Variants in DAAM1 observed in about 807,000 individuals in gnomAD.
DAAM1 encodes disheveled-associated activator of morphogenesis 1.
Under a neutral mutation model 130.0 loss-of-function variants are expected in DAAM1, and 52 were observed. The ratio of observed to expected loss-of-function variants is 0.40; its 90% CI spans 0.32 to 0.50. DAAM1 has a LOEUF of 0.50. Among genes scored for constraint, DAAM1 ranks in the 20% least tolerant of loss-of-function variants. The pLI is 0.61. For synonymous variants in DAAM1, 452 were observed against 444.5 expected, an observed-to-expected ratio of 1.02 and a Z score of -0.21; for missense variants, 1,134 against 1,303.8, an observed-to-expected ratio of 0.87 and a Z score of 2.01.
Position 59,353,972 on chromosome 14 carries a change from C to G in DAAM1, c.2356+8C>G, listed in dbSNP as rs777905121. ...TGAAACCTAAAGTGGAAGGTAAAGTCAAGCTGTCTAGATTGGAAATGATGT... is the reference window on the plus strand; with the variant it reads ...TGAAACCTAAAGTGGAAGGTAAAGTGAAGCTGTCTAGATTGGAAATGATGT... On this transcript the variant is annotated splice_region_variant and intron_variant, in intron 19 of 24. Transcript: ENST00000360909. 6.2e-7 allele frequency: 1 copy of G among 1,612,468 alleles called. No homozygotes were observed. Among genetic ancestry groups the G allele is most frequent in the Non-Finnish European group, 8.5e-7 (1 of 1,179,124 alleles).
chr14:59,284,053 C>T (rs1213232707), intron 2 of DAAM1, among the ~76,000 whole-genome samples: 7 of 152,034 alleles, frequency 4.6e-5, no homozygotes, highest in Non-Finnish European at 5.9e-5. Context: ...CTGTTCAATC[C>T]TAAATGCTGG....
chr14:59,289,767 G>GATATATATATATATATATATGTAT, intron 2 of DAAM1, among the ~76,000 whole-genome samples: 11 of 110,220 alleles, frequency 1.0e-4, no homozygotes, highest in Admixed American at 9.1e-4. Context: ...AACAAAATGT[G>GATATATATATATATATATATGTAT]ATATATATAT....
intron 3 of DAAM1, among the ~76,000 whole-genome samples, chr14:59,295,485 A>G (rs1170613077): frequency 2.0e-5 from 3 of 152,056 alleles, no homozygotes; most frequent in Non-Finnish European, 4.4e-5. Flanking sequence ...TCAATTCCTG[A>G]CTCTTCCCCA....
At chr14:59,366,504 A>C (rs1342179662) in intron 23 of DAAM1, among the ~76,000 whole-genome samples, 1 of 152,188 alleles carries the variant, frequency 6.6e-6, no homozygotes, top group Non-Finnish European at 1.5e-5. Context: ...TTAAAAGTAC[A>C]AGTTTCCCTC....
chr14:59,245,232 C>G (rs1881318584), intron 1 of DAAM1, among the ~76,000 whole-genome samples: 1 of 152,140 alleles, frequency 6.6e-6, no homozygotes, highest in South Asian at 2.1e-4. Flanking sequence ...CTTATTTTGG[C>G]ATTAACTTTC....
chr14:59,357,693 G>A (rs982608145), intron 20 of DAAM1, among the ~76,000 whole-genome samples: 3 of 152,044 alleles, frequency 2.0e-5, no homozygotes, highest in East Asian at 1.9e-4. Flanking sequence ...CAGGAGAATC[G>A]CTTGAACCCA....
chr14:59,299,954 A>G (rs1039831710), intron 3 of DAAM1: 2 of 152,160 alleles, frequency 1.3e-5, no homozygotes, highest in African/African-American at 2.4e-5. Flanking sequence ...AGGAGCTCAC[A>G]CAAGTGGGTT....
At chr14:59,218,449 A>T (rs1888661660) in intron 1 of DAAM1, among the ~76,000 whole-genome samples, 1 of 152,186 alleles carries the variant, frequency 6.6e-6, no homozygotes, top group Non-Finnish European at 1.5e-5. Context: ...TTCTCTGAGT[A>T]GTGTTTCCTT....
intron 1 of DAAM1, among the ~76,000 whole-genome samples, chr14:59,189,067 C>T (rs970293890): frequency 1.3e-5 from 2 of 152,218 alleles, no homozygotes; most frequent in Admixed American, 6.5e-5. Context: ...GGGTCCCTCC[C>T]TTTCTTTCTA....
At chr14:59,267,996 G>A (rs1050211824) in intron 2 of DAAM1, among the ~76,000 whole-genome samples, 15 of 150,792 alleles carry the variant, frequency 9.9e-5, no homozygotes, top group African/African-American at 2.7e-4. Context: ...TCCGCTTCCC[G>A]GGTTCAAGCG....
chr14:59,262,254 A>G (rs755863159), intron 1 of DAAM1, among the ~76,000 whole-genome samples: 12 of 152,162 alleles, frequency 7.9e-5, no homozygotes, highest in Admixed American at 2.0e-4. Flanking sequence ...GTGGAAATTA[A>G]TTTACATGTA....
At chr14:59,269,520 A>G (rs950634211) in intron 2 of DAAM1, among the ~76,000 whole-genome samples, 8 of 152,214 alleles carry the variant, frequency 5.3e-5, no homozygotes, top group Admixed American at 5.2e-4. Flanking sequence ...GGCCCCACTT[A>G]TCTGCCGATG....
At chr14:59,228,727 A>G (rs1333547264) in intron 1 of DAAM1, among the ~76,000 whole-genome samples, 1 of 152,232 alleles carries the variant, frequency 6.6e-6, no homozygotes, top group African/African-American at 2.4e-5. Flanking sequence ...CAGCACACTC[A>G]GTCCACATGT....
chr14:59,368,761 G>A lies in DAAM1; in HGVS notation c.3109G>A (p.Asp1037Asn). The A allele has an allele frequency of 2.5e-6, 4 of 1,614,026 alleles. No homozygotes were observed. The highest frequency in any genetic ancestry group is 3.4e-6 in the Non-Finnish European group (4 of 1,179,950). The change falls in exon 25 of 25, where the codon GAC becomes AAC. Residue 1037 changes from aspartate (D) to asparagine (N), a missense_variant. Physicochemically the swap from Asp to Asn is conservative, Grantham distance 23. Transcript: ENST00000360909. ...VSALRSGEVF[D>N]KDLSKLKRNR... is the part of the protein sequence containing the mutation. The stretch of plus-strand genomic sequence containing the variant: ...AGCTTTACGCTCAGGAGAAGTGTTT[G>A]ACAAAGACCTTTCTAAATTGAAACG...
At chr14:59,276,555 A>T (rs1311509327) in intron 2 of DAAM1, among the ~76,000 whole-genome samples, 1 of 152,172 alleles carries the variant, frequency 6.6e-6, no homozygotes, top group East Asian at 1.9e-4. Context: ...TGTATCCTTG[A>T]GATGAACTGA....
At chr14:59,248,599 A>G (rs1345769848) in intron 1 of DAAM1, among the ~76,000 whole-genome samples, 1 of 152,162 alleles carries the variant, frequency 6.6e-6, no homozygotes, top group Non-Finnish European at 1.5e-5. Context: ...AAAAGAGATT[A>G]TATATGTGAC....
intron 3 of DAAM1, among the ~76,000 whole-genome samples, chr14:59,299,001 C>A (rs768716873): frequency 8.3e-4 from 127 of 152,222 alleles, no homozygotes; most frequent in Non-Finnish European, 1.5e-3. Flanking sequence ...TGTCTTTTCT[C>A]TTTGGTGCTT....
At chr14:59,243,403 C>G (rs1324134318) in intron 1 of DAAM1, among the ~76,000 whole-genome samples, 1 of 152,106 alleles carries the variant, frequency 6.6e-6, no homozygotes, top group Non-Finnish European at 1.5e-5. Context: ...AGTCTAGGAC[C>G]CTTTTGAATA....
At chr14:59,204,641 G>A (rs757715677) in intron 1 of DAAM1, among the ~76,000 whole-genome samples, 11 of 152,168 alleles carry the variant, frequency 7.2e-5, no homozygotes, top group Non-Finnish European at 1.3e-4. Flanking sequence ...AAGGGTAATG[G>A]GGTATCATTT....
Sources: allele counts gnomAD v4.1 joint callset (sites outside exome capture counted in the v4.1 genomes callset), GRCh38; gene constraint gnomAD v4.1.1; transcripts MANE v1.5; gene names NCBI Gene and HGNC (gene_info 2026-07-23, HGNC 2026-07-21).